MACF1: variants seen among roughly 807,000 people sequenced by gnomAD.
MACF1 encodes the protein microtubule-actin cross-linking factor 1.
MACF1 carries 193 observed loss-of-function variants against 854.8 expected under a neutral mutation model. The observed-to-expected ratio is 0.23, with a 90% CI of 0.20 to 0.25. The LOEUF (loss-of-function observed/expected upper bound fraction) is 0.25. MACF1 is among the 10% of genes least tolerant of loss of function. MACF1 has a pLI of 1.00. For synonymous variants in MACF1, 3,185 were observed against 3,226.7 expected, an observed-to-expected ratio of 0.99 and a Z score of 0.44; for missense variants, 7,722 against 8,929.1, an observed-to-expected ratio of 0.86 and a Z score of 5.45.
chr1:39,174,334 T>C (rs995851614), intron 2 of MACF1, among the ~76,000 whole-genome samples: 3 of 152,204 alleles, frequency 2.0e-5, no homozygotes, highest in Non-Finnish European at 4.4e-5. Context: ...TGAGTTAATA[T>C]GTGGAAAATA....
rs368258664 is a variant in MACF1, at chr1:39,332,027, C to T, written c.5439C>T (p.Ile1813=). The T allele has an allele frequency of 3.1e-6, 5 of 1,613,816 alleles. No individual in the cohort carries two copies. Among genetic ancestry groups the T allele is most frequent in the Non-Finnish European group, 4.2e-6 (5 of 1,180,002 alleles). Residue 1813 remains isoleucine (I), a synonymous_variant, in exon 37 of 101, where the codon ATC becomes ATT. Coordinates refer to ENST00000564288, the MANE Select transcript of MACF1 (RefSeq NM_001394062.1). ...ILIRQLQTGG[I]IDTVTGQRLT... is the part of the protein sequence containing the mutation. The stretch of plus-strand genomic sequence containing the variant: ...TAAGGCAGCTTCAGACAGGAGGCAT[C>T]ATAGACACTGTCACGGGGCAAAGGC...
At chr1:39,160,323 G>C (rs1401856027) in intron 2 of MACF1, among the ~76,000 whole-genome samples, 1 of 152,134 alleles carries the variant, frequency 6.6e-6, no homozygotes, top group Non-Finnish European at 1.5e-5. Flanking sequence ...TCTGGTGCTA[G>C]AGACCATGTG....
rs185139989 is a variant in MACF1 at position 39,281,458 on chromosome 1, T to C, written c.529-750T>C. ...TCTTTTTCTTAAATTTGGTAATCAT[T>C]GTCCTATGTCATTAAAATTTTCTTT... On this transcript the variant is annotated intron_variant, in intron 6 of 100. Coordinates refer to ENST00000564288, the MANE Select transcript of MACF1 (RefSeq NM_001394062.1). Among the ~76,000 whole-genome samples the C allele has an allele frequency of 1.5e-3, 222 of 152,226 alleles. 2 individuals carry two copies. The highest frequency in any genetic ancestry group is 5.2e-3 in the African/African-American group (214 of 41,494).
At chr1:39,115,419 G>A (rs1642518911) in intron 2 of MACF1, among the ~76,000 whole-genome samples, 1 of 152,110 alleles carries the variant, frequency 6.6e-6, no homozygotes, top group Admixed American at 6.6e-5. Flanking sequence ...ATGACTTGGA[G>A]GTTTCTGGCT....
At chr1:39,154,377 C>G (rs1483897498) in intron 2 of MACF1, 2 of 152,140 alleles carry the variant, frequency 1.3e-5, no homozygotes, top group Non-Finnish European at 2.9e-5. Flanking sequence ...AGGTCAGTGC[C>G]TCCTACCTGG....
chr1:39,446,895 G>A (rs956233243), intron 80 of MACF1, among the ~76,000 whole-genome samples: 4 of 151,996 alleles, frequency 2.6e-5, no homozygotes, highest in Non-Finnish European at 4.4e-5. Flanking sequence ...GGCTTCTTTC[G>A]TTACCTCTTC....
intron 58 of MACF1, chr1:39,412,905 T>C: frequency 6.2e-7 from 1 of 1,608,542 alleles, no homozygotes; most frequent in Middle Eastern, 1.7e-4. Context: ...CCTTTCCACA[T>C]GAGGACATCC....
chr1:39,091,152 A>T (rs545406893), intron 2 of MACF1, among the ~76,000 whole-genome samples: 33 of 152,084 alleles, frequency 2.2e-4, no homozygotes, highest in Non-Finnish European at 3.5e-4. Context: ...CCCCACCCCT[A>T]CCCCAGAAGA....
At chr1:39,127,207 C>T (rs949110347) in intron 2 of MACF1, among the ~76,000 whole-genome samples, 1 of 152,180 alleles carries the variant, frequency 6.6e-6, no homozygotes, top group Admixed American at 6.5e-5. Flanking sequence ...GACAACAGAG[C>T]GAGAGACTCT....
chr1:39,389,057 G>T (rs1406560037), intron 58 of MACF1, among the ~76,000 whole-genome samples: 1 of 151,040 alleles, frequency 6.6e-6, no homozygotes, highest in African/African-American at 2.4e-5. Flanking sequence ...TGTATTTTTT[G>T]TAGAGACGAG....
chr1:39,306,890 T>G (rs924936972), intron 23 of MACF1, among the ~76,000 whole-genome samples: 2 of 150,334 alleles, frequency 1.3e-5, no homozygotes, highest in Admixed American at 1.3e-4. Flanking sequence ...TTATTATTAT[T>G]ATTGAGATAG....
chr1:39,310,209 A>G (rs1349368843), intron 24 of MACF1, 36 bp from the exon 25 acceptor site: 1 of 1,543,506 alleles, frequency 6.5e-7, no homozygotes, highest in Non-Finnish European at 8.8e-7. Flanking sequence ...TTACATTTTT[A>G]TTCTGTTGCA....
At position 39,409,102 on chromosome 1, in the gene MACF1, G is replaced by A. The variant is rs2148608656; in HGVS notation, c.15817-13272G>A. 6.6e-6 allele frequency among the ~76,000 whole-genome samples: 1 copy of A among 152,036 alleles called. No homozygotes were observed. Among genetic ancestry groups the A allele is most frequent in the African/African-American group, 2.4e-5 (1 of 41,506 alleles). On this transcript the variant is annotated intron_variant, in intron 58 of 100. Coordinates refer to ENST00000564288, the MANE Select transcript of MACF1 (RefSeq NM_001394062.1). This position sits in a 1 kb window ranked among gnomAD's most constrained non-coding sequence, Gnocchi z 4.2. ...ACTTCCAGCGAGCTAGCGAGCTAGC[G>A]GGTCGCGCTGCGCGGGGGAGGAGGA...
Position 39,351,020 on chromosome 1 carries a change from T to TAATA in MACF1, c.11199+3_11199+6dup. 1 of 1,608,664 alleles carries TAATA rather than the reference T, an allele frequency of 6.2e-7. No homozygotes were observed. The highest frequency in any genetic ancestry group is 8.5e-7 in the Non-Finnish European group (1 of 1,175,902). On this transcript the variant is annotated splice_region_variant and intron_variant, in intron 43 of 100. Transcript: ENST00000564288. The stretch of plus-strand genomic sequence containing the variant: ...GCCTTACAGCAGGAGACTGAAAAGG[T>TAATA]AATAGACTGCTATGACGCTTGATAT...
chr1:39,265,712 T>C (rs1645222795), intron 6 of MACF1, among the ~76,000 whole-genome samples: 1 of 152,206 alleles, frequency 6.6e-6, no homozygotes, highest in Admixed American at 6.5e-5. Context: ...TGCATATGGA[T>C]TTCTCACCAC....
chr1:39,181,291 G>A (rs746789054), intron 2 of MACF1, among the ~76,000 whole-genome samples: 1 of 152,206 alleles, frequency 6.6e-6, no homozygotes, highest in Non-Finnish European at 1.5e-5. Flanking sequence ...ATATTTGATA[G>A]AGCATAGGGA....
At chr1:39,280,687 C>T (rs1270872537) in intron 6 of MACF1, among the ~76,000 whole-genome samples, 2 of 152,104 alleles carry the variant, frequency 1.3e-5, no homozygotes, top group Admixed American at 6.5e-5. Flanking sequence ...AAGCGATTCT[C>T]GTGCCTCAGC....
chr1:39,343,279 CCTT>C (rs1016200879), intron 40 of MACF1, among the ~76,000 whole-genome samples: 1 of 152,162 alleles, frequency 6.6e-6, no homozygotes, highest in Non-Finnish European at 1.5e-5. Context: ...AATGTCCCCT[CCTT>C]CTATTCTATC....
rs561933293 is a variant in MACF1, at chr1:39,459,108, C to A, written c.21219C>A (p.Thr7073=). The change falls in exon 91 of 101, where the codon ACC becomes ACA. Residue 7073 remains threonine, a synonymous_variant. Transcript: ENST00000564288. Reference sequence around the variant, plus strand: ...TAGGGAAATCCCTAAGTCAGCCAACCCCTCCTCCCATGCCAATCCTTTCAC... The same window carrying A: ...TAGGGAAATCCCTAAGTCAGCCAACACCTCCTCCCATGCCAATCCTTTCAC... ...SGGRKSLSQP[T]PPPMPILSQS... 31 of 1,613,100 alleles carry A rather than the reference C, an allele frequency of 1.9e-5. No homozygotes were observed. Among genetic ancestry groups the A allele is most frequent in the South Asian group, 6.6e-5 (6 of 90,906 alleles).
Sources: gnomAD v4.1 joint callset for allele counts (sites outside exome capture counted in the v4.1 genomes callset) on GRCh38, gnomAD v4.1.1 for gene constraint, Gnocchi (gnomAD v3.1) non-coding constraint, MANE v1.5 for transcripts, NCBI Gene and HGNC (gene_info 2026-07-23, HGNC 2026-07-21) for gene names.